NOL4L: variants seen among roughly 807,000 people sequenced by gnomAD.
The protein encoded by NOL4L is nucleolar protein 4 like, also known as nucleolar protein 4-like.
A neutral mutation model predicts 64.5 loss-of-function variants in NOL4L; 7 were observed. The ratio of observed to expected loss-of-function variants is 0.11; its 90% CI spans 0.06 to 0.20. The LOEUF (loss-of-function observed/expected upper bound fraction) is 0.20, where lower values mean the gene tolerates loss of function less well. Among genes scored for constraint, NOL4L ranks in the 10% least tolerant of loss-of-function variants. The probability of loss-of-function intolerance (pLI) is 1.00; values close to 1 mark genes in which losing one functional copy is unlikely to be tolerated. For missense variants in NOL4L, 680 were observed against 967.1 expected (o/e 0.70, Z 3.94); for synonymous variants, 413 against 401.0 (o/e 1.03, Z -0.36).
intron 1 of NOL4L, among the ~76,000 whole-genome samples, chr20:32,568,877 G>C (rs1466073750): frequency 2.6e-5 from 4 of 152,154 alleles, no homozygotes; most frequent in African/African-American, 7.2e-5. Context: ...GCTTGTGTGG[G>C]GGACCCTGGC....
chr20:32,499,738 CAAAAAAAA>C (rs10692885), intron 4 of NOL4L, among the ~76,000 whole-genome samples: 2 of 51,360 alleles, frequency 3.9e-5, no homozygotes, highest in African/African-American at 8.4e-5. Flanking sequence ...GACCTTGTCT[CAAAAAAAA>C]AAAAAAAAAA....
rs537020939 is a variant in NOL4L at position 32,535,507 on chromosome 20, C to G, written c.322-7594G>C. On this transcript the variant is annotated intron_variant, in intron 1 of 10. Transcript: ENST00000621426. ...TAGCTGCCGCCGCCACCGCCACCAC[C>G]GAGTCGCACCTGCCATCTGGAACAG... The G allele has an allele frequency of 1.6e-4, 133 of 856,388 alleles. No individual in the cohort carries two copies. The African/African-American group carries it at 2.0e-3, about 13-fold the overall frequency. The allele number at this position is 856,388 out of a possible 1,614,324, so 53.0% of individuals were successfully genotyped here. A position where few individuals can be genotyped will look rare whatever the true frequency, so the allele number is the denominator to read the frequency against.
chr20:32,505,316 T>C (rs953408255), intron 4 of NOL4L, among the ~76,000 whole-genome samples: 1 of 152,002 alleles, frequency 6.6e-6, no homozygotes, highest in African/African-American at 2.4e-5. Flanking sequence ...GCCAAAAAAG[T>C]GGAAACAACC....
intron 4 of NOL4L, among the ~76,000 whole-genome samples, chr20:32,488,826 T>TTTCTTTC (rs1491588017): frequency 6.9e-5 from 1 of 14,530 alleles, no homozygotes; most frequent in Non-Finnish European, 1.3e-4. Flanking sequence ...TCTTTCTTTC[T>TTTCTTTC]TTTTCTTTCT....
intron 5 of NOL4L, among the ~76,000 whole-genome samples, chr20:32,469,552 G>A (rs1201375608): frequency 1.3e-5 from 2 of 151,958 alleles, no homozygotes; most frequent in Non-Finnish European, 1.5e-5. Flanking sequence ...TGTATTTTTA[G>A]TAGAGACAGG....
intron 4 of NOL4L, among the ~76,000 whole-genome samples, chr20:32,501,116 C>T (rs1322729292): frequency 6.6e-6 from 1 of 152,184 alleles, no homozygotes; most frequent in Non-Finnish European, 1.5e-5. Flanking sequence ...GGAGAGAAAC[C>T]TGACAACCAA....
intron 4 of NOL4L, among the ~76,000 whole-genome samples, chr20:32,476,198 GACACACACACACACACACACACACAC>G (rs1167969757): frequency 7.1e-6 from 1 of 140,978 alleles, no homozygotes; most frequent in African/African-American, 2.7e-5. Flanking sequence ...CACCCGGAGG[GACACACACACACACACACACACACAC>G]ACACACACAC....
At chr20:32,468,900 CAAAAAAAAAA>C (rs555969764) in intron 5 of NOL4L, among the ~76,000 whole-genome samples, 1 of 95,302 alleles carries the variant, frequency 1.0e-5, no homozygotes, top group Non-Finnish European at 2.2e-5. Flanking sequence ...GACTCCATCT[CAAAAAAAAAA>C]AAAAAAAAAA....
chr20:32,568,172 C>A (rs1464408236), intron 1 of NOL4L, among the ~76,000 whole-genome samples: 1 of 152,094 alleles, frequency 6.6e-6, no homozygotes, highest in African/African-American at 2.4e-5. Flanking sequence ...AACACCATCA[C>A]CACCATCAGC....
intron 4 of NOL4L, among the ~76,000 whole-genome samples, chr20:32,488,791 CTT>C (rs1162207661): frequency 1.9e-5 from 1 of 53,498 alleles, no homozygotes; most frequent in African/African-American, 1.4e-4. Context: ...TCCTTCCTTC[CTT>C]TCTTTCTTTC....
intron 2 of NOL4L, among the ~76,000 whole-genome samples, chr20:32,525,754 A>G (rs1209872945): frequency 1.8e-4 from 28 of 151,642 alleles, no homozygotes; most frequent in Admixed American, 1.8e-3. Context: ...ATTTTTTAAT[A>G]TATTTTTTAT....
At chr20:32,576,004 G>C (rs553881289) in intron 1 of NOL4L, among the ~76,000 whole-genome samples, 1 of 152,338 alleles carries the variant, frequency 6.6e-6, no homozygotes, top group Non-Finnish European at 1.5e-5. Context: ...TTGGAGAATA[G>C]CAAACAGGCC....
Position 32,453,868 on chromosome 20 carries a change from G to A in NOL4L, c.1120-107C>T. The A allele has an allele frequency of 3.0e-6, 3 of 1,000,722 alleles. No homozygotes were observed. Among genetic ancestry groups the A allele is most frequent in the Non-Finnish European group, 4.4e-6 (3 of 679,106 alleles). The allele number at this position is 1,000,722 out of a possible 1,614,324, so 62.0% of individuals were successfully genotyped here. ...GGGACCAGGGTGGCACGCATGCCCT[G>A]CTGCCACGAGAGCCATAGCTGCGAG... is the stretch of plus-strand genomic sequence containing the variant. On this transcript the variant is annotated intron_variant, in intron 6 of 10. Transcript: ENST00000621426. This position sits in a 1 kb window ranked among gnomAD's most constrained non-coding sequence, Gnocchi z 5.6.
rs1333655212 is a variant in NOL4L at position 32,445,888 on chromosome 20, G to GA, written c.*1707_*1708insT. The GA allele has an allele frequency of 3.9e-5, 6 of 152,180 alleles. No individual in the cohort carries two copies. Among genetic ancestry groups the GA allele is most frequent in the Non-Finnish European group, 8.8e-5 (6 of 68,050 alleles). 9.4% of individuals were successfully genotyped at this position (152,180 alleles called of 1,614,324 possible). Reference sequence around the variant, plus strand: ...ACTGGTGCCCCCCCCATCCCTCCTTGGGGGGAGTCTGCCACAGTGCCGGGA... The same window carrying GA: ...ACTGGTGCCCCCCCCATCCCTCCTTGAGGGGGAGTCTGCCACAGTGCCGGGA... On this transcript the variant is annotated 3_prime_UTR_variant, in exon 11 of 11. Coordinates refer to ENST00000621426, the MANE Select transcript of NOL4L (RefSeq NM_001256798.2).
At chr20:32,523,964 CT>C (rs1435525106) in intron 2 of NOL4L, among the ~76,000 whole-genome samples, 2 of 152,194 alleles carry the variant, frequency 1.3e-5, no homozygotes, top group African/African-American at 4.8e-5. Context: ...CAAGATCCTC[CT>C]TCTGCCCTGA....
At chr20:32,528,582 G>A (rs1222474398) in intron 1 of NOL4L, among the ~76,000 whole-genome samples, 2 of 152,238 alleles carry the variant, frequency 1.3e-5, no homozygotes, top group Non-Finnish European at 2.9e-5. Flanking sequence ...GCTGAGTGGT[G>A]TCAGCTGGCC....
chr20:32,472,491 G>C (rs553838840), intron 5 of NOL4L, among the ~76,000 whole-genome samples: 1 of 152,280 alleles, frequency 6.6e-6, no homozygotes, highest in African/African-American at 2.4e-5. Context: ...TCAATAACAG[G>C]GGCCTGAGAG....
chr20:32,448,557 A>C (rs2012547007), intron 10 of NOL4L, among the ~76,000 whole-genome samples: 1 of 152,098 alleles, frequency 6.6e-6, no homozygotes, highest in Non-Finnish European at 1.5e-5. Context: ...GCTAAGCCTC[A>C]AGCACCTCGA....
At chr20:32,470,471 T>C (rs1419726614) in intron 5 of NOL4L, among the ~76,000 whole-genome samples, 1 of 152,136 alleles carries the variant, frequency 6.6e-6, no homozygotes, top group Non-Finnish European at 1.5e-5. Context: ...GCTCTCAGGG[T>C]GCTTATGGTA....
Sources: allele counts gnomAD v4.1 joint callset (sites outside exome capture counted in the v4.1 genomes callset), GRCh38; gene constraint gnomAD v4.1.1; non-coding constraint Gnocchi (gnomAD v3.1); transcripts MANE v1.5; gene names NCBI Gene and HGNC (gene_info 2026-07-23, HGNC 2026-07-21).